Variants in NAALADL2 observed in about 807,000 individuals in gnomAD.
The protein encoded by NAALADL2 is inactive N-acetylated-alpha-linked acidic dipeptidase-like protein 2.
Under a neutral mutation model 87.2 loss-of-function variants are expected in NAALADL2, and 76 were observed. That is an observed-to-expected ratio of 0.87 (90% CI 0.72 to 1.05). The LOEUF (loss-of-function observed/expected upper bound fraction) is 1.05, where lower values mean the gene tolerates loss of function less well. NAALADL2 is among the 50% of genes least tolerant of loss of function. NAALADL2 has a pLI of 0.00. For synonymous variants in NAALADL2, 354 were observed against 331.0 expected, an observed-to-expected ratio of 1.07 and a Z score of -0.75; for missense variants, 1,089 against 945.8, an observed-to-expected ratio of 1.15 and a Z score of -1.99.
At chr3:175,530,710 A>G (rs976750064) in intron 9 of NAALADL2, among the ~76,000 whole-genome samples, 1 of 152,200 alleles carries the variant, frequency 6.6e-6, no homozygotes, top group Non-Finnish European at 1.5e-5. Flanking sequence ...CATTTGAGCC[A>G]CTTTCTCATG....
chr3:175,072,713 A>G (rs1715886236), intron 1 of NAALADL2, among the ~76,000 whole-genome samples: 1 of 142,916 alleles, frequency 7.0e-6, no homozygotes, highest in African/African-American at 2.6e-5. Context: ...GGGGAGGGAT[A>G]GCATTAGGAG....
chr3:174,571,165 T>A (rs1714869637), intron 2 of NAALADL2, among the ~76,000 whole-genome samples: 1 of 152,084 alleles, frequency 6.6e-6, no homozygotes, highest in Admixed American at 6.6e-5. Flanking sequence ...AAAATATGGG[T>A]GAAGTCTTTT....
intron 12 of NAALADL2, among the ~76,000 whole-genome samples, chr3:175,738,549 CT>C (rs960823520): frequency 7.9e-5 from 12 of 151,566 alleles, no homozygotes; most frequent in African/African-American, 9.7e-5. Context: ...ACCTGGCCCC[CT>C]TTTTTTTTCT....
intron 5 of NAALADL2, among the ~76,000 whole-genome samples, chr3:175,325,360 T>A (rs776504511): frequency 5.1e-4 from 77 of 152,232 alleles, no homozygotes; most frequent in Non-Finnish European, 9.6e-4. Context: ...ATTCCTTTAA[T>A]AATCCATGTA....
intron 1 of NAALADL2, among the ~76,000 whole-genome samples, chr3:175,046,634 G>A (rs1754706949): frequency 6.6e-6 from 1 of 152,108 alleles, no homozygotes; most frequent in African/African-American, 2.4e-5. Context: ...TAAGCATACT[G>A]GCAAAAACTG....
At position 175,250,402 on chromosome 3, in the gene NAALADL2, A is replaced by G. The variant is rs201054405; in HGVS notation, c.820-6009A>G. On this transcript the variant is annotated intron_variant, in intron 3 of 13. Coordinates refer to ENST00000454872, the MANE Select transcript of NAALADL2 (RefSeq NM_207015.3). ...CCTTGATCTTGAATTCTTAGCCTCC[A>G]TAACTCAGATAATAAATTTGTGTTG... Among the ~76,000 whole-genome samples the G allele has an allele frequency of 1.7e-3, 262 of 152,144 alleles. 1 individual carries two copies. The highest frequency in any genetic ancestry group is 1.5e-3 in the South Asian group (7 of 4,804).
chr3:174,682,837 A>G (rs1309763106), intron 2 of NAALADL2, among the ~76,000 whole-genome samples: 3 of 152,188 alleles, frequency 2.0e-5, no homozygotes, highest in Non-Finnish European at 4.4e-5. Flanking sequence ...TGAATACCTT[A>G]CTGTTTGATG....
At chr3:174,652,949 A>G (rs964382295) in intron 2 of NAALADL2, among the ~76,000 whole-genome samples, 3 of 152,210 alleles carry the variant, frequency 2.0e-5, no homozygotes, top group Admixed American at 6.5e-5. Context: ...CAGTAATCAT[A>G]TGAAAAATTG....
At chr3:175,461,350 G>A (rs545049699) in intron 6 of NAALADL2, among the ~76,000 whole-genome samples, 2 of 152,168 alleles carry the variant, frequency 1.3e-5, no homozygotes, top group African/African-American at 2.4e-5. Flanking sequence ...TCTAGACCCA[G>A]AGTGCTGATT....
intron 11 of NAALADL2, among the ~76,000 whole-genome samples, chr3:175,727,987 T>C (rs745327574): frequency 1.3e-5 from 2 of 152,192 alleles, no homozygotes; most frequent in Non-Finnish European, 2.9e-5. Context: ...TTCTGTGATG[T>C]GAGTTGTATC....
intron 1 of NAALADL2, among the ~76,000 whole-genome samples, chr3:175,031,182 C>T (rs184844451): frequency 2.8e-4 from 43 of 152,000 alleles, no homozygotes; most frequent in Non-Finnish European, 4.3e-4. Flanking sequence ...GTTTGTTACA[C>T]GGGTACATTG....
At chr3:175,140,868 T>G (rs1241241564) in intron 2 of NAALADL2, among the ~76,000 whole-genome samples, 1 of 152,142 alleles carries the variant, frequency 6.6e-6, no homozygotes, top group Non-Finnish European at 1.5e-5. Flanking sequence ...TTGAGCATGA[T>G]CCTGTCTCAT....
intron 5 of NAALADL2, among the ~76,000 whole-genome samples, chr3:175,370,956 A>G (rs528975314): frequency 6.6e-6 from 1 of 152,298 alleles, no homozygotes; most frequent in South Asian, 2.1e-4. Context: ...TGAATGTCAT[A>G]ACATTATGTT....
chr3:174,975,889 C>G (rs1047459700), intron 1 of NAALADL2, among the ~76,000 whole-genome samples: 1 of 152,118 alleles, frequency 6.6e-6, no homozygotes, highest in African/African-American at 2.4e-5. Context: ...CTCCTAAGTC[C>G]AAATGAGAAA....
chr3:174,517,423 T>C (rs1030063731), intron 1 of NAALADL2, among the ~76,000 whole-genome samples: 15 of 152,116 alleles, frequency 9.9e-5, no homozygotes, highest in African/African-American at 3.6e-4. Context: ...TTGGTACAAA[T>C]ATTAGAATAC....
chr3:175,387,001 CT>C (rs1768458455), intron 5 of NAALADL2, among the ~76,000 whole-genome samples: 1 of 152,034 alleles, frequency 6.6e-6, no homozygotes, highest in Non-Finnish European at 1.5e-5. Flanking sequence ...AAGAAAAAAA[CT>C]TATTCTAAAG....
At chr3:175,042,771 G>A (rs1351191712) in intron 1 of NAALADL2, among the ~76,000 whole-genome samples, 2 of 152,042 alleles carry the variant, frequency 1.3e-5, no homozygotes, top group Non-Finnish European at 2.9e-5. Context: ...CTATGGTTTG[G>A]ATATTTGCCC....
At chr3:174,671,205 T>C (rs1483206553) in intron 2 of NAALADL2, among the ~76,000 whole-genome samples, 3 of 152,086 alleles carry the variant, frequency 2.0e-5, no homozygotes, top group Non-Finnish European at 2.9e-5. Context: ...AATAGACTAA[T>C]ACACTCAACC....
At chr3:174,559,636 G>A (rs1264349122) in intron 2 of NAALADL2, among the ~76,000 whole-genome samples, 1 of 152,128 alleles carries the variant, frequency 6.6e-6, no homozygotes. Flanking sequence ...TCTGAAATTA[G>A]GTTGCCAGCA....
Sources: allele counts gnomAD v4.1 joint callset (sites outside exome capture counted in the v4.1 genomes callset), GRCh38; gene constraint gnomAD v4.1.1; transcripts MANE v1.5; gene names NCBI Gene and HGNC (gene_info 2026-07-23, HGNC 2026-07-21).